Variants in ASPH observed in about 807,000 individuals in gnomAD.
The protein encoded by ASPH is aspartyl/asparaginyl beta-hydroxylase.
A neutral mutation model predicts 118.4 loss-of-function variants in ASPH; 100 were observed. The observed-to-expected ratio is 0.84, with a 90% CI of 0.72 to 1.00. ASPH has a LOEUF of 1.00. Among genes scored for constraint, ASPH ranks in the 50% least tolerant of loss-of-function variants. ASPH has a pLI of 0.00. For missense variants in ASPH, 920 were observed against 919.5 expected (o/e 1.00, Z -0.01); for synonymous variants, 315 against 325.6 (o/e 0.97, Z 0.35).
At chr8:61,506,911 C>A in intron 24 of ASPH, among the ~76,000 whole-genome samples, 1 of 152,108 alleles carries the variant, frequency 6.6e-6, no homozygotes, top group East Asian at 1.9e-4. Flanking sequence ...TTCAGAGCAT[C>A]TGTGAAATGT....
chr8:61,630,356 C>T (rs975795386), intron 13 of ASPH, among the ~76,000 whole-genome samples: 14 of 152,062 alleles, frequency 9.2e-5, no homozygotes, highest in Non-Finnish European at 2.1e-4. Flanking sequence ...AGTGTTCCTA[C>T]AATCAGATGC....
intron 22 of ASPH, among the ~76,000 whole-genome samples, chr8:61,525,365 C>A (rs914772649): frequency 6.9e-6 from 1 of 145,810 alleles, no homozygotes; most frequent in Non-Finnish European, 1.5e-5. Flanking sequence ...CGCACACACA[C>A]ACACATACAC....
At chr8:61,643,613 T>C (rs1206386171) in intron 8 of ASPH, among the ~76,000 whole-genome samples, 180 bp from the exon 9 acceptor site, 9 of 152,236 alleles carry the variant, frequency 5.9e-5, no homozygotes, top group East Asian at 1.9e-4. Context: ...GTCAAAAAGA[T>C]AGGAAAGAGT....
intron 14 of ASPH, among the ~76,000 whole-genome samples, chr8:61,587,324 T>C (rs16927603): frequency 0.019 from 2,877 of 152,262 alleles, 90 homozygotes; most frequent in African/African-American, 0.066. Flanking sequence ...GTGACACAGA[T>C]TGATGGTAGT....
intron 14 of ASPH, among the ~76,000 whole-genome samples, chr8:61,590,130 A>AAAGGGGG (rs1587753109): frequency 6.6e-6 from 1 of 152,018 alleles, no homozygotes; most frequent in East Asian, 1.9e-4. Context: ...ATAACACATA[A>AAAGGGGG]ATTTTCTTAC....
intron 3 of ASPH, among the ~76,000 whole-genome samples, chr8:61,674,487 C>T (rs1207256008): frequency 6.6e-6 from 1 of 152,184 alleles, no homozygotes; most frequent in Non-Finnish European, 1.5e-5. Flanking sequence ...CAAACAAGAG[C>T]TTTAATAGTC....
chr8:61,646,584 G>T (rs892446015), intron 6 of ASPH, among the ~76,000 whole-genome samples, 166 bp downstream of exon 6: 2 of 152,086 alleles, frequency 1.3e-5, no homozygotes, highest in African/African-American at 4.8e-5. Flanking sequence ...CAAAATCAAG[G>T]TATCTATTTT....
In ASPH at chr8:61,714,526, C is replaced by T. The variant is rs926928661; in HGVS notation, c.-155G>A. ...CCCTGTGCCTCAGCACCGCCTGCAG[C>T]ACCTGGGAAGACTTCACCCGCCTGC... On this transcript the variant is annotated 5_prime_UTR_variant, in exon 1 of 25. Transcript: ENST00000379454. 1.7e-6 allele frequency: 2 copies of T among 1,157,266 alleles called. No homozygotes were observed. Among genetic ancestry groups the T allele is most frequent in the African/African-American group, 3.3e-5 (2 of 61,434 alleles). The allele number at this position is 1,157,266 out of a possible 1,614,324, so 71.7% of individuals were successfully genotyped here.
intron 3 of ASPH, among the ~76,000 whole-genome samples, chr8:61,676,695 T>C (rs932437080): frequency 6.6e-6 from 1 of 152,122 alleles, no homozygotes; most frequent in African/African-American, 2.4e-5. Flanking sequence ...AAAAGATATA[T>C]ACTCTGACAA....
chr8:61,665,322 T>C, intron 3 of ASPH: 3 of 1,613,768 alleles, frequency 1.9e-6, no homozygotes, highest in Non-Finnish European at 2.5e-6. Flanking sequence ...CTTTCCTTTC[T>C]GTCATCTTTG....
In ASPH at chr8:61,565,233, G is replaced by C. The variant is rs79532333; in HGVS notation, c.1300+1935C>G. 3.3e-3 allele frequency among the ~76,000 whole-genome samples: 490 copies of C among 150,760 alleles called. 1 individual carries two copies. Among genetic ancestry groups the C allele is most frequent in the Non-Finnish European group, 5.2e-3 (354 of 67,626 alleles). On this transcript the variant is annotated intron_variant, in intron 17 of 24. Transcript: ENST00000379454. ...CAAAGTATTTGCAAATTTACTTCATGTTTTTTTTTCTAGCATTTTCCTTGA... is the reference window on the plus strand; with the variant it reads ...CAAAGTATTTGCAAATTTACTTCATCTTTTTTTTTCTAGCATTTTCCTTGA...
At chr8:61,553,955 A>G (rs1826922904) in intron 19 of ASPH, among the ~76,000 whole-genome samples, 1 of 152,256 alleles carries the variant, frequency 6.6e-6, no homozygotes, top group Non-Finnish European at 1.5e-5. Context: ...AGCAAGCTGC[A>G]CGATAGAATG....
At chr8:61,670,666 G>C (rs1821993430) in intron 3 of ASPH, among the ~76,000 whole-genome samples, 2 of 151,960 alleles carry the variant, frequency 1.3e-5, no homozygotes, top group Non-Finnish European at 2.9e-5. Context: ...AGAAAAAGAA[G>C]CTAAGTTCAT....
At chr8:61,657,983 G>A (rs1814657741) in intron 3 of ASPH, 1 of 152,090 alleles carries the variant, frequency 6.6e-6, no homozygotes, top group South Asian at 2.1e-4. Flanking sequence ...CTGTGCTCAG[G>A]GTGAGTGCTC....
At chr8:61,709,124 T>G (rs1253329442) in intron 1 of ASPH, among the ~76,000 whole-genome samples, 1 of 152,150 alleles carries the variant, frequency 6.6e-6, no homozygotes. Flanking sequence ...GTGGCCAATT[T>G]GATAGGAACT....
chr8:61,556,936 C>T (rs757819044), intron 18 of ASPH, among the ~76,000 whole-genome samples: 2 of 152,194 alleles, frequency 1.3e-5, no homozygotes, highest in Non-Finnish European at 1.5e-5. Flanking sequence ...ACCAGGCCCT[C>T]GGGGGGCCCA....
At chr8:61,677,965 A>G (rs1224541014) in intron 3 of ASPH, among the ~76,000 whole-genome samples, 1 of 152,160 alleles carries the variant, frequency 6.6e-6, no homozygotes. Context: ...AGACAAAAGT[A>G]CTAGTCCAGA....
intron 18 of ASPH, among the ~76,000 whole-genome samples, chr8:61,559,825 G>T (rs1185407548): frequency 6.6e-6 from 1 of 152,048 alleles, no homozygotes; most frequent in African/African-American, 2.4e-5. Flanking sequence ...GAACATTTTA[G>T]TCTGGAAGGG....
chr8:61,585,073 G>A (rs1838976629), intron 14 of ASPH, among the ~76,000 whole-genome samples: 1 of 152,286 alleles, frequency 6.6e-6, no homozygotes, highest in East Asian at 1.9e-4. Flanking sequence ...CCTAACTCTT[G>A]CAGGGTGGTA....
Sources: gnomAD v4.1 joint callset for allele counts (sites outside exome capture counted in the v4.1 genomes callset) on GRCh38, gnomAD v4.1.1 for gene constraint, MANE v1.5 for transcripts, NCBI Gene and HGNC (gene_info 2026-07-23, HGNC 2026-07-21) for gene names.